MYO7B: variants seen among roughly 807,000 people sequenced by gnomAD.
The protein encoded by MYO7B is unconventional myosin-VIIb.
A neutral mutation model predicts 259.7 loss-of-function variants in MYO7B; 212 were observed. The observed-to-expected ratio is 0.82, with a 90% CI of 0.73 to 0.91. The LOEUF (loss-of-function observed/expected upper bound fraction) is 0.91. MYO7B is among the 40% of genes least tolerant of loss of function. The probability of loss-of-function intolerance (pLI) is 0.00; values close to 1 mark genes in which losing one functional copy is unlikely to be tolerated. For missense variants in MYO7B, 2,732 were observed against 2,813.5 expected, an observed-to-expected ratio of 0.97 and a Z score of 0.66; for synonymous variants, 1,197 against 1,166.4, an observed-to-expected ratio of 1.03 and a Z score of -0.54.
In MYO7B at chr2:127,559,673, G is replaced by C. The variant is rs1304359769; in HGVS notation, c.-23-27G>C. ...TCCTATTGGGGCTGTGTATGGAGCTGACGTTCTGCTTTCTCTCTCCATACA... is the reference window on the plus strand; with the variant it reads ...TCCTATTGGGGCTGTGTATGGAGCTCACGTTCTGCTTTCTCTCTCCATACA... On this transcript the variant is annotated intron_variant, in intron 1 of 47. Transcript: ENST00000409816. The surrounding 1 kb of genome is among the most constrained non-coding windows in gnomAD (Gnocchi z 4.1). 6.2e-7 allele frequency: 1 copy of C among 1,612,640 alleles called. No homozygotes were observed. The highest frequency in any genetic ancestry group is 1.1e-5 in the South Asian group (1 of 91,038).
intron 19 of MYO7B, among the ~76,000 whole-genome samples, chr2:127,604,040 G>A (rs1357670921): frequency 6.6e-6 from 1 of 152,204 alleles, no homozygotes; most frequent in Admixed American, 6.5e-5. Context: ...GGCTGAGGCA[G>A]GAGAATCGCT....
intron 30 of MYO7B, among the ~76,000 whole-genome samples, chr2:127,624,773 C>T (rs904897483): frequency 3.9e-5 from 6 of 152,200 alleles, no homozygotes; most frequent in African/African-American, 1.4e-4. Context: ...GTACCGGGAG[C>T]TCTTTTGTAG....
Position 127,609,962 on chromosome 2 carries a change from C to T in MYO7B, c.3138C>T (p.Asp1046=). The T allele has an allele frequency of 6.2e-7, 1 of 1,607,698 alleles. No homozygotes were observed. The highest frequency in any genetic ancestry group is 1.3e-5 in the African/African-American group (1 of 74,946). The change falls in exon 24 of 48, where the codon GAC becomes GAT. Residue 1046 remains aspartate, a synonymous_variant. Transcript: ENST00000409816. The surrounding 1 kb of genome is among the most constrained non-coding windows in gnomAD (Gnocchi z 6.9). ...GCTCAGTGATGCGGCAGATCCATGACACGCTGGGCAGGGAGCACGGTGCCC... is the reference window on the plus strand; with the variant it reads ...GCTCAGTGATGCGGCAGATCCATGATACGCTGGGCAGGGAGCACGGTGCCC... ...QGSSVMRQIH[D]TLGREHGAQV... is the part of the protein sequence containing the mutation.
chr2:127,631,551 C>T (rs761326833), intron 37 of MYO7B, 49 bp from the exon 38 acceptor site: 4 of 1,596,474 alleles, frequency 2.5e-6, no homozygotes, highest in Non-Finnish European at 3.4e-6. Context: ...TATCCCCAGT[C>T]TGTGTCAGCG....
chr2:127,571,442 G>GTTTTTTTTTTTTTTTTTTTTTT lies in MYO7B; in HGVS notation c.592+1549_592+1550insTTTTTTTTTTTTTTTTTTTTTT. On this transcript the variant is annotated intron_variant, in intron 6 of 47. Transcript: ENST00000409816. ...AATTGGTCTATTTCCTTACCAGTGAGTTTTTTTTTTTTTTTTTGCTTGTTT... is the reference window on the plus strand; with the variant it reads ...AATTGGTCTATTTCCTTACCAGTGAGTTTTTTTTTTTTTTTTTTTTTTTTTTTTTTTTTTTTTTTGCTTGTTT... Among the ~76,000 whole-genome samples, 131 of 41,800 alleles carry GTTTTTTTTTTTTTTTTTTTTTT rather than the reference G, an allele frequency of 3.1e-3. 10 individuals carry two copies. The highest frequency in any genetic ancestry group is 9.1e-3 in the East Asian group (6 of 658). 27.4% of individuals were successfully genotyped at this position (41,800 alleles called of 152,430 possible). A position where few individuals can be genotyped will look rare whatever the true frequency, so the allele number is the denominator to read the frequency against.
chr2:127,582,322 T>C lies in MYO7B; in HGVS notation c.1219T>C (p.Phe407Leu). 5.0e-6 allele frequency: 8 copies of C among 1,613,230 alleles called. No homozygotes were observed. The highest frequency in any genetic ancestry group is 6.8e-6 in the Non-Finnish European group (8 of 1,179,672). The stretch of plus-strand genomic sequence containing the variant: ...TCTCCAGGGCATCTATGGGCACCTC[T>C]TCCTGTGGATTGTCAAGAAGATCAA... ...AFVKGIYGHLFLWIVKKINAA... is the reference protein window; with the variant it reads ...AFVKGIYGHLLLWIVKKINAA... Residue 407 changes from phenylalanine to leucine, a missense_variant, in exon 12 of 48, where the codon TTC becomes CTC. By Grantham distance (22) the Phe-to-Leu change is conservative. Transcript: ENST00000409816.
chr2:127,582,214 C>T, intron 11 of MYO7B, 90 bp from the exon 12 acceptor site: 1 of 1,529,538 alleles, frequency 6.5e-7, no homozygotes, highest in South Asian at 1.2e-5. Flanking sequence ...CACAGTAGGT[C>T]CAAGACATTC....
chr2:127,637,106 C>T lies in MYO7B; in HGVS notation c.6327+193C>T, dbSNP rs375181659. On this transcript the variant is annotated intron_variant, in intron 47 of 47. Coordinates refer to ENST00000409816, the MANE Select transcript of MYO7B (RefSeq NM_001393586.1). ...GCCAAGGTGGCAAGGCCAGGCGGGA[C>T]CCCCTGCGCCCTTGGCCCATTCCAA... 1.7e-5 allele frequency: 18 copies of T among 1,076,272 alleles called. No homozygotes were observed. In the African/African-American group the frequency reaches 2.3e-4, roughly 14 times the overall value. 66.7% of individuals were successfully genotyped at this position (1,076,272 alleles called of 1,614,324 possible). A position where few individuals can be genotyped will look rare whatever the true frequency, so the allele number is the denominator to read the frequency against.
Position 127,611,568 on chromosome 2 carries a change from T to C in MYO7B, c.3193-682T>C, listed in dbSNP as rs888926708. ...GGACTTTGCCAGCTCATGTGTTTCA[T>C]GGCCAGCCCCTGCACGGTAAACCAG... On this transcript the variant is annotated intron_variant, in intron 24 of 47. Coordinates refer to ENST00000409816, the MANE Select transcript of MYO7B (RefSeq NM_001393586.1). This position sits in a 1 kb window ranked among gnomAD's most constrained non-coding sequence, Gnocchi z 5.4. Among the ~76,000 whole-genome samples, 6 of 152,210 alleles carry C rather than the reference T, an allele frequency of 3.9e-5. No homozygotes were observed. The highest frequency in any genetic ancestry group is 8.8e-5 in the Non-Finnish European group (6 of 68,030).
At position 127,565,395 on chromosome 2, in the gene MYO7B, C is replaced by A. The variant is rs769046850; in HGVS notation, c.285+10C>A. On this transcript the variant is annotated intron_variant, in intron 4 of 47. Coordinates refer to ENST00000409816, the MANE Select transcript of MYO7B (RefSeq NM_001393586.1). ...GCAGCACAAGATCTATGTGAGTCTC[C>A]CCAGCCCTGTGTCCACAGGGGAGCC... 2.5e-6 allele frequency: 4 copies of A among 1,613,638 alleles called. No homozygotes were observed. The East Asian group carries it at 6.7e-5, about 27-fold the overall frequency.
chr2:127,552,817 G>C (rs1419536912), intron 1 of MYO7B, among the ~76,000 whole-genome samples: 1 of 152,186 alleles, frequency 6.6e-6, no homozygotes, highest in Non-Finnish European at 1.5e-5. Flanking sequence ...TGAAAGAGCT[G>C]TCTGGGAGCC....
At chr2:127,569,750 C>A (rs779922982) in intron 5 of MYO7B, 39 bp from the exon 6 acceptor site, 2 of 1,579,220 alleles carry the variant, frequency 1.3e-6, no homozygotes, top group African/African-American at 1.4e-5. Flanking sequence ...AAAAAATAGT[C>A]GTTTTGTGGC....
rs56238959 is a variant in MYO7B, at chr2:127,610,318, A to G, written c.3192+302A>G. ...GATTCAGATGCACATAACAATAACAATAACAGGTGTTACTGACTGACAGCC... is the reference window on the plus strand; with the variant it reads ...GATTCAGATGCACATAACAATAACAGTAACAGGTGTTACTGACTGACAGCC... On this transcript the variant is annotated intron_variant, in intron 24 of 47. Coordinates refer to ENST00000409816, the MANE Select transcript of MYO7B (RefSeq NM_001393586.1). Among the ~76,000 whole-genome samples the G allele has an allele frequency of 2.5e-3, 381 of 152,328 alleles. 2 individuals are homozygous for G. The highest frequency in any genetic ancestry group is 8.7e-3 in the African/African-American group (363 of 41,566).
At chr2:127,617,710 G>T (rs1294497663) in intron 26 of MYO7B, among the ~76,000 whole-genome samples, 2 of 150,294 alleles carry the variant, frequency 1.3e-5, no homozygotes, top group East Asian at 3.9e-4. Context: ...CACCTTGTTA[G>T]CCAGGATGGT....
chr2:127,562,489 T>TTTG (rs1678142405), intron 2 of MYO7B, among the ~76,000 whole-genome samples: 1 of 139,004 alleles, frequency 7.2e-6, no homozygotes, highest in Non-Finnish European at 1.6e-5. Context: ...ATTGTTTTTT[T>TTTG]TTTTTTTTTT....
At chr2:127,571,443 T>TTTTTTTTTTGTTTTTTTTG (rs1553448477) in intron 6 of MYO7B, among the ~76,000 whole-genome samples, 5 of 72,936 alleles carry the variant, frequency 6.9e-5, no homozygotes, top group Admixed American at 3.2e-4. Context: ...TACCAGTGAG[T>TTTTTTTTTTGTTTTTTTTG]TTTTTTTTTT....
chr2:127,568,299 G>A (rs551142842), intron 5 of MYO7B, among the ~76,000 whole-genome samples: 8 of 152,350 alleles, frequency 5.3e-5, no homozygotes, highest in African/African-American at 1.4e-4. Flanking sequence ...GGCGGGGCTG[G>A]CAGTGTGAAC....
chr2:127,630,806 G>A lies in MYO7B; in HGVS notation c.4835G>A (p.Arg1612Lys), dbSNP rs1182828913. The A allele has an allele frequency of 6.2e-7, 1 of 1,613,094 alleles. No homozygotes were observed. The highest frequency in any genetic ancestry group is 1.1e-5 in the South Asian group (1 of 91,080). Residue 1612 changes from arginine (R) to lysine (K), a missense_variant, in exon 36 of 48, where the codon AGG becomes AAG. This residue lies in a region of MYO7B where 821 missense variants were observed against 769.3 expected (regional missense o/e 1.07). Coordinates refer to ENST00000409816, the MANE Select transcript of MYO7B (RefSeq NM_001393586.1). ...LSLLAMSPEK[R>K]KLAAQEGQFT... is the part of the protein sequence containing the mutation. ...TTGCTTGCCATGTCACCAGAGAAGA[G>A]GAAGCTGGCGGCTCAGGAGGGGCAG...
rs1454617110 is a variant in MYO7B at position 127,635,726 on chromosome 2, T to C, written c.5825T>C (p.Leu1942Pro). Residue 1942 changes from leucine to proline, a missense_variant, in exon 44 of 48, where the codon CTG becomes CCG. Coordinates refer to ENST00000409816, the MANE Select transcript of MYO7B (RefSeq NM_001393586.1). ...ADTILHYHQELPKYLRGFHKC... is the reference protein window; with the variant it reads ...ADTILHYHQEPPKYLRGFHKC... ...CCCAGTGTGTCCATCACCCAGGAGC[T>C]GCCCAAGTACCTGCGCGGATTCCAC... 6.2e-7 allele frequency: 1 copy of C among 1,600,928 alleles called. No homozygotes were observed. The highest frequency in any genetic ancestry group is 1.7e-5 in the Admixed American group (1 of 58,518).
Sources: gnomAD v4.1 joint callset for allele counts (sites outside exome capture counted in the v4.1 genomes callset) on GRCh38, gnomAD v4.1.1 for gene constraint, gnomAD v4.1.1 regional missense constraint, Gnocchi (gnomAD v3.1) non-coding constraint, MANE v1.5 for transcripts, NCBI Gene and HGNC (gene_info 2026-07-23, HGNC 2026-07-21) for gene names.